The following SREK1IP1 variants were observed in gnomAD, a reference collection of about 807,000 sequenced individuals.
SREK1IP1 encodes the protein SREK1 interacting protein 1, also known as protein SREK1IP1.
In SREK1IP1, 12 loss-of-function variants were observed where a neutral mutation model predicts 22.8. That is an observed-to-expected ratio of 0.53 (90% confidence interval 0.34 to 0.85). The LOEUF is 0.85. SREK1IP1 is among the 40% of genes least tolerant of loss of function. The probability of loss-of-function intolerance (pLI) is 0.02; values close to 1 mark genes in which losing one functional copy is unlikely to be tolerated. For missense variants in SREK1IP1, 147 were observed against 171.8 expected, an observed-to-expected ratio of 0.86 and a Z score of 0.81; for synonymous variants, 53 against 52.7, an observed-to-expected ratio of 1.01 and a Z score of -0.02.
chr5:64,724,043 T>A lies in SREK1IP1; in HGVS notation c.*341A>T. The A allele has an allele frequency of 5.7e-6, 1 of 175,644 alleles. No homozygotes were observed. Among genetic ancestry groups the A allele is most frequent in the Non-Finnish European group, 1.2e-5 (1 of 83,748 alleles). 10.9% of individuals were successfully genotyped at this position (175,644 alleles called of 1,614,324 possible). A position where few individuals can be genotyped will look rare whatever the true frequency, so the allele number is the denominator to read the frequency against. On this transcript the variant is annotated 3_prime_UTR_variant, in exon 5 of 5. Transcript: ENST00000513458. Reference sequence around the variant, plus strand: ...CAATACTCATTAACTGCTAGGTAGATGACCCATGTTGATGGCAGTAAAGCC... The same window carrying A: ...CAATACTCATTAACTGCTAGGTAGAAGACCCATGTTGATGGCAGTAAAGCC...
At position 64,741,987 on chromosome 5, in the gene SREK1IP1, A is replaced by AT. The variant is rs11355158; in HGVS notation, c.62-788dup. 6.3e-3 allele frequency among the ~76,000 whole-genome samples: 903 copies of AT among 143,428 alleles called. 6 individuals are homozygous for AT. The highest frequency in any genetic ancestry group is 0.011 in the Non-Finnish European group (694 of 65,476). The allele number at this position is 143,428 out of a possible 152,430, so 94.1% of individuals were successfully genotyped here. On this transcript the variant is annotated intron_variant, in intron 2 of 4. Coordinates refer to ENST00000513458, the MANE Select transcript of SREK1IP1 (RefSeq NM_173829.4). ...TGGAACACTTTCTCAATCTCATTCCATTTTTTTTTTTTTGTCCTCTGAAGC... is the reference window on the plus strand; with the variant it reads ...TGGAACACTTTCTCAATCTCATTCCATTTTTTTTTTTTTTGTCCTCTGAAGC...
At position 64,723,100 on chromosome 5, in the gene SREK1IP1, G is replaced by C; in HGVS notation, c.*1284C>G. 6.6e-6 allele frequency: 1 copy of C among 152,180 alleles called. No homozygotes were observed. Among genetic ancestry groups the C allele is most frequent in the East Asian group, 1.9e-4 (1 of 5,194 alleles). 9.4% of individuals were successfully genotyped at this position (152,180 alleles called of 1,614,324 possible). On this transcript the variant is annotated 3_prime_UTR_variant, in exon 5 of 5. Transcript: ENST00000513458. The stretch of plus-strand genomic sequence containing the variant: ...TTCTACAACATAAGCATTTACTTTA[G>C]TGGACATAAGGGCTACCTAAGTATT...
intron 3 of SREK1IP1, among the ~76,000 whole-genome samples, chr5:64,736,974 CAA>C (rs36090470): frequency 6.6e-6 from 1 of 150,864 alleles, no homozygotes; most frequent in Non-Finnish European, 1.5e-5. Context: ...AACATGCCCC[CAA>C]AAAGTTATGA....
intron 1 of SREK1IP1, among the ~76,000 whole-genome samples, 200 bp downstream of exon 1, chr5:64,768,305 G>C (rs1743096099): frequency 6.6e-6 from 1 of 152,164 alleles, no homozygotes; most frequent in South Asian, 2.1e-4. Context: ...TTGGCTCCTG[G>C]GGGGAAGATA....
intron 2 of SREK1IP1, among the ~76,000 whole-genome samples, chr5:64,751,849 A>G (rs1742746934): frequency 6.6e-6 from 1 of 152,208 alleles, no homozygotes; most frequent in Non-Finnish European, 1.5e-5. Context: ...ACCAATAAAC[A>G]GACATATAAA....
rs1415769952 is a variant in SREK1IP1, at chr5:64,722,663, A to T, written c.*1721T>A. On this transcript the variant is annotated 3_prime_UTR_variant, in exon 5 of 5. Coordinates refer to ENST00000513458, the MANE Select transcript of SREK1IP1 (RefSeq NM_173829.4). ...ATCCCTAAAAACCTACTGGCTCTGT[A>T]TTTTTTCTCCCAGTAACTGACTGAC... 2 of 152,156 alleles carry T rather than the reference A, an allele frequency of 1.3e-5. No individual in the cohort carries two copies. The highest frequency in any genetic ancestry group is 4.8e-5 in the African/African-American group (2 of 41,440). The allele number at this position is 152,156 out of a possible 1,614,324, so 9.4% of individuals were successfully genotyped here.
At chr5:64,728,902 AG>A (rs1485593666) in intron 3 of SREK1IP1, among the ~76,000 whole-genome samples, 1 of 152,210 alleles carries the variant, frequency 6.6e-6, no homozygotes, top group Non-Finnish European at 1.5e-5. Context: ...GTATATTTAA[AG>A]AAAAAGCAGG....
intron 2 of SREK1IP1, among the ~76,000 whole-genome samples, chr5:64,746,425 T>C (rs1742638310): frequency 6.6e-6 from 1 of 152,156 alleles, no homozygotes; most frequent in African/African-American, 2.4e-5. Flanking sequence ...AGGGAGAATA[T>C]ATTTGCAAAT....
chr5:64,746,026 C>T (rs1742629671), intron 2 of SREK1IP1, among the ~76,000 whole-genome samples: 1 of 152,162 alleles, frequency 6.6e-6, no homozygotes. Context: ...AGAATAGACA[C>T]ACAGACCAAT....
At chr5:64,733,194 T>C (rs1742406877) in intron 3 of SREK1IP1, among the ~76,000 whole-genome samples, 1 of 151,988 alleles carries the variant, frequency 6.6e-6, no homozygotes, top group Admixed American at 6.6e-5. Flanking sequence ...TTGGACTTCA[T>C]CAAAATTAAA....
intron 4 of SREK1IP1, among the ~76,000 whole-genome samples, chr5:64,726,469 G>C (rs1742268613): frequency 6.6e-6 from 1 of 151,670 alleles, no homozygotes; most frequent in Non-Finnish European, 1.5e-5. Flanking sequence ...CCAGCTACTG[G>C]GGAGGCTGAG....
Position 64,718,151 on chromosome 5 carries a change from T to C in SREK1IP1, c.*6233A>G, listed in dbSNP as rs1580530911. The C allele has an allele frequency of 5.8e-6, 4 of 685,794 alleles. No homozygotes were observed. The highest frequency in any genetic ancestry group is 4.0e-5 in the Admixed American group (1 of 25,140). The allele number at this position is 685,794 out of a possible 1,614,324, so 42.5% of individuals were successfully genotyped here. ...CACAAAGCAAGACACAGCTGCATTT[T>C]TGATCATTCAGTTACTTTATTAAAC... On this transcript the variant is annotated 3_prime_UTR_variant, in exon 5 of 5. Transcript: ENST00000513458.
intron 1 of SREK1IP1, 76 bp from the exon 2 acceptor site, chr5:64,754,438 G>A (rs1554065615): frequency 5.6e-6 from 8 of 1,429,216 alleles, no homozygotes; most frequent in Middle Eastern, 1.9e-4. Flanking sequence ...TATGAAAAAA[G>A]CTAAGAAAAA....
rs534664191 is a variant in SREK1IP1 at position 64,758,439 on chromosome 5, C to A, written c.14-4077G>T. ...CATTGTACTCTAATCCCATTGTTTC[C>A]CTGTAAACCCTGTCATAGTTAAAAA... On this transcript the variant is annotated intron_variant, in intron 1 of 4. Coordinates refer to ENST00000513458, the MANE Select transcript of SREK1IP1 (RefSeq NM_173829.4). 2.3e-3 allele frequency among the ~76,000 whole-genome samples: 357 copies of A among 152,200 alleles called. 2 individuals carry two copies. The highest frequency in any genetic ancestry group is 8.2e-3 in the African/African-American group (341 of 41,510).
At chr5:64,749,638 G>A (rs1043724943) in intron 2 of SREK1IP1, among the ~76,000 whole-genome samples, 12 of 151,828 alleles carry the variant, frequency 7.9e-5, no homozygotes, top group Middle Eastern at 3.2e-3. Flanking sequence ...ATGAGGTTTC[G>A]CCATGTTGCC....
intron 1 of SREK1IP1, among the ~76,000 whole-genome samples, chr5:64,757,352 C>T (rs1319219336): frequency 3.3e-5 from 5 of 152,176 alleles, no homozygotes; most frequent in Non-Finnish European, 7.4e-5. Context: ...GCTATGACTG[C>T]GCCACTGCAC....
intron 3 of SREK1IP1, among the ~76,000 whole-genome samples, chr5:64,729,758 C>T (rs989611362): frequency 1.3e-5 from 2 of 152,172 alleles, no homozygotes; most frequent in African/African-American, 4.8e-5. Context: ...AGGATGACCA[C>T]CAGGTTTTTA....
intron 4 of SREK1IP1, among the ~76,000 whole-genome samples, chr5:64,726,783 A>G (rs1742275063): frequency 6.6e-6 from 1 of 152,186 alleles, no homozygotes; most frequent in African/African-American, 2.4e-5. Flanking sequence ...CTATTTTATA[A>G]TAAAGCATTG....
At chr5:64,748,813 C>A (rs1742687877) in intron 2 of SREK1IP1, among the ~76,000 whole-genome samples, 1 of 152,036 alleles carries the variant, frequency 6.6e-6, no homozygotes, top group Non-Finnish European at 1.5e-5. Flanking sequence ...CTAGTAAGTG[C>A]CAGCAGAGGT....
Sources: gnomAD v4.1 joint callset for allele counts (sites outside exome capture counted in the v4.1 genomes callset) on GRCh38, gnomAD v4.1.1 for gene constraint, MANE v1.5 for transcripts, NCBI Gene and HGNC (gene_info 2026-07-23, HGNC 2026-07-21) for gene names.